Variants in DCC observed in about 807,000 individuals in gnomAD.
DCC encodes DCC netrin 1 receptor, also known as netrin receptor DCC.
Under a neutral mutation model 172.5 loss-of-function variants are expected in DCC, and 58 were observed. The ratio of observed to expected loss-of-function variants is 0.34; its 90% CI spans 0.27 to 0.42. The LOEUF (loss-of-function observed/expected upper bound fraction) is 0.42. Among genes scored for constraint, DCC ranks in the 10% least tolerant of loss-of-function variants. The probability of loss-of-function intolerance (pLI) is 1.00; values close to 1 mark genes in which losing one functional copy is unlikely to be tolerated. For synonymous variants in DCC, 709 were observed against 644.5 expected, an observed-to-expected ratio of 1.10 and a Z score of -1.52; for missense variants, 1,740 against 1,791.0, an observed-to-expected ratio of 0.97 and a Z score of 0.51.
At chr18:52,816,287 T>A (rs972479273) in intron 2 of DCC, among the ~76,000 whole-genome samples, 2 of 152,182 alleles carry the variant, frequency 1.3e-5, no homozygotes, top group African/African-American at 4.8e-5. Context: ...TGAAAAGTTA[T>A]ACTGAACTGA....
rs35341474 is a variant in DCC, at chr18:53,226,914, C to CTGTG, written c.1911+11335_1911+11338dup. Among the ~76,000 whole-genome samples the CTGTG allele has an allele frequency of 2.1e-3, 217 of 103,496 alleles. 1 individual carries two copies. The highest frequency in any genetic ancestry group is 7.0e-3 in the African/African-American group (171 of 24,420). 67.9% of individuals were successfully genotyped at this position (103,496 alleles called of 152,430 possible). On this transcript the variant is annotated intron_variant, in intron 12 of 28. Coordinates refer to ENST00000442544, the MANE Select transcript of DCC (RefSeq NM_005215.4). ...GAATAGATGTCAGATAATAGTGTAA[C>CTGTG]TGTGTGTGTGTGTGTGTGTGTATAT...
chr18:52,531,593 C>CTG (rs1259218897), intron 1 of DCC, among the ~76,000 whole-genome samples: 3 of 151,930 alleles, frequency 2.0e-5, no homozygotes, highest in African/African-American at 4.8e-5. Context: ...ATATGTTTCT[C>CTG]TGTGTGTGTG....
chr18:52,976,133 T>G (rs1312490750), intron 5 of DCC, among the ~76,000 whole-genome samples: 2 of 152,200 alleles, frequency 1.3e-5, no homozygotes, highest in Non-Finnish European at 2.9e-5. Flanking sequence ...ATCATATGAT[T>G]GTTGGCTGCA....
chr18:52,584,353 T>G (rs2144783116), intron 1 of DCC, among the ~76,000 whole-genome samples: 1 of 152,236 alleles, frequency 6.6e-6, no homozygotes, highest in Non-Finnish European at 1.5e-5. Flanking sequence ...AGTAAGAACA[T>G]TAGATCCAAC....
intron 2 of DCC, among the ~76,000 whole-genome samples, chr18:52,823,767 T>C (rs1275930115): frequency 6.6e-6 from 1 of 152,200 alleles, no homozygotes; most frequent in Non-Finnish European, 1.5e-5. Flanking sequence ...GCCCAACAAC[T>C]AGGAAAGCAT....
At chr18:52,455,283 A>G (rs1384462242) in intron 1 of DCC, among the ~76,000 whole-genome samples, 1 of 152,102 alleles carries the variant, frequency 6.6e-6, no homozygotes, top group Non-Finnish European at 1.5e-5. Flanking sequence ...ATTTTCTCTT[A>G]TTTCAGCTGA....
intron 4 of DCC, among the ~76,000 whole-genome samples, chr18:52,924,198 A>T (rs970454863): frequency 6.6e-6 from 1 of 151,796 alleles, no homozygotes; most frequent in African/African-American, 2.4e-5. Context: ...GATCCTTAAT[A>T]TTCTGTGTCA....
intron 5 of DCC, among the ~76,000 whole-genome samples, chr18:53,059,707 T>A (rs532692272): frequency 1.3e-5 from 2 of 152,274 alleles, no homozygotes; most frequent in South Asian, 4.1e-4. Flanking sequence ...TTGACTTTTT[T>A]ATGACAAGAA....
intron 1 of DCC, among the ~76,000 whole-genome samples, chr18:52,428,877 T>A (rs1051185917): frequency 2.0e-5 from 3 of 152,086 alleles, no homozygotes; most frequent in Non-Finnish European, 4.4e-5. Flanking sequence ...CTGTGGCTAG[T>A]AAAGCTATTA....
At chr18:52,519,214 T>C (rs957297100) in intron 1 of DCC, among the ~76,000 whole-genome samples, 1 of 152,186 alleles carries the variant, frequency 6.6e-6, no homozygotes. Flanking sequence ...CACGTGTGCC[T>C]TTCTGAAGCT....
chr18:52,675,504 T>C (rs144915900), intron 1 of DCC, among the ~76,000 whole-genome samples: 36 of 152,230 alleles, frequency 2.4e-4, no homozygotes, highest in African/African-American at 8.4e-4. Flanking sequence ...TTAATTGAAG[T>C]CTCATGCCTC....
intron 2 of DCC, among the ~76,000 whole-genome samples, chr18:52,870,156 C>T (rs72922231): frequency 0.034 from 5,152 of 152,254 alleles, 97 homozygotes; most frequent in African/African-American, 0.05. Context: ...GCACGAGCTG[C>T]GGCCCAGATC....
At chr18:52,830,352 T>TTTGG (rs1404818054) in intron 2 of DCC, among the ~76,000 whole-genome samples, 1 of 152,194 alleles carries the variant, frequency 6.6e-6, no homozygotes, top group Admixed American at 6.5e-5. Context: ...AGACAATTCT[T>TTTGG]CTTCTAGTGT....
chr18:52,481,956 C>T (rs1256945086), intron 1 of DCC, among the ~76,000 whole-genome samples: 1 of 151,426 alleles, frequency 6.6e-6, no homozygotes, highest in Non-Finnish European at 1.5e-5. Context: ...TGTTACTTTC[C>T]AGAGGATCCA....
chr18:52,843,869 T>A (rs1340694548), intron 2 of DCC, among the ~76,000 whole-genome samples: 2 of 152,166 alleles, frequency 1.3e-5, no homozygotes, highest in Non-Finnish European at 2.9e-5. Flanking sequence ...AGGAAATATG[T>A]AGGGAAGAGG....
chr18:53,249,392 C>T (rs1436234036), intron 12 of DCC, among the ~76,000 whole-genome samples: 1 of 151,814 alleles, frequency 6.6e-6, no homozygotes, highest in Non-Finnish European at 1.5e-5. Flanking sequence ...GAGGTTCCAT[C>T]TAGTCACGTG....
At chr18:52,776,332 A>C (rs1778219192) in intron 2 of DCC, among the ~76,000 whole-genome samples, 1 of 152,120 alleles carries the variant, frequency 6.6e-6, no homozygotes. Context: ...TATTATATTT[A>C]TAACTTATAG....
chr18:52,563,741 TCTTTAA>T (rs1230789831), intron 1 of DCC, among the ~76,000 whole-genome samples: 4 of 152,184 alleles, frequency 2.6e-5, no homozygotes, highest in African/African-American at 9.6e-5. Flanking sequence ...TAGAACCCTA[TCTTTAA>T]AGTAGTCTCC....
intron 2 of DCC, among the ~76,000 whole-genome samples, chr18:52,815,663 C>T (rs1167752173): frequency 6.6e-6 from 1 of 152,182 alleles, no homozygotes; most frequent in African/African-American, 2.4e-5. Context: ...AACACAGTAA[C>T]TTTCATGTTT....
Sources: gnomAD v4.1 joint callset for allele counts (sites outside exome capture counted in the v4.1 genomes callset) on GRCh38, gnomAD v4.1.1 for gene constraint, MANE v1.5 for transcripts, NCBI Gene and HGNC (gene_info 2026-07-23, HGNC 2026-07-21) for gene names.